ZFYVE9: variants seen among roughly 807,000 people sequenced by gnomAD.
ZFYVE9 encodes the protein zinc finger FYVE-type containing 9.
A neutral mutation model predicts 126.7 loss-of-function variants in ZFYVE9; 43 were observed. That is an observed-to-expected ratio of 0.34 (90% CI 0.27 to 0.44). ZFYVE9 has a LOEUF of 0.44. ZFYVE9 is among the 20% of genes least tolerant of loss of function. The probability of loss-of-function intolerance (pLI) is 1.00; values close to 1 mark genes in which losing one functional copy is unlikely to be tolerated. For synonymous variants in ZFYVE9, 521 were observed against 597.4 expected (o/e 0.87, Z 1.87); for missense variants, 1,476 against 1,697.0 (o/e 0.87, Z 2.29).
chr1:52,254,003 A>G, intron 4 of ZFYVE9: 3 of 778,318 alleles, frequency 3.9e-6, no homozygotes, highest in East Asian at 2.4e-5. Context: ...ACTGATAATC[A>G]TAGGAAGCCA....
chr1:52,331,663 A>C (rs1646342272), intron 13 of ZFYVE9, among the ~76,000 whole-genome samples: 1 of 150,190 alleles, frequency 6.7e-6, no homozygotes, highest in Admixed American at 6.6e-5. Context: ...GAGGCAGGAG[A>C]ATGGCGTGAA....
At chr1:52,326,121 TCTGG>T (rs1390708100) in intron 13 of ZFYVE9, among the ~76,000 whole-genome samples, 1 of 152,136 alleles carries the variant, frequency 6.6e-6, no homozygotes, top group African/African-American at 2.4e-5. Flanking sequence ...TGGTTGGTGC[TCTGG>T]AAATGTTACG....
At chr1:52,321,726 C>T (rs1021399102) in intron 13 of ZFYVE9, among the ~76,000 whole-genome samples, 2 of 152,178 alleles carry the variant, frequency 1.3e-5, no homozygotes, top group African/African-American at 2.4e-5. Flanking sequence ...TTGAGACCAT[C>T]AGCTCTAATC....
rs142234365 is a variant in ZFYVE9 at position 52,239,463 on chromosome 1, C to G, written c.2046C>G (p.Ala682=). ...GAGCTGGTCAGTTTGGAATTTCTGC[C>G]AGAAAGCCATTCACCACTCTGGGTG... is the stretch of plus-strand genomic sequence containing the variant. ...DLRAGQFGIS[A]RKPFTTLGEV... is the part of the protein sequence containing the mutation. Residue 682 remains alanine (A), a synonymous_variant, in exon 4 of 19, where the codon GCC becomes GCG. Coordinates refer to ENST00000287727, the MANE Select transcript of ZFYVE9 (RefSeq NM_004799.4). 591 of 1,614,120 alleles carry G rather than the reference C, an allele frequency of 3.7e-4. 1 individual carries two copies. In the East Asian group the frequency reaches 0.01, roughly 28 times the overall value.
chr1:52,326,549 C>T (rs1310824137), intron 13 of ZFYVE9, among the ~76,000 whole-genome samples: 1 of 151,952 alleles, frequency 6.6e-6, no homozygotes, highest in Non-Finnish European at 1.5e-5. Context: ...GGCCAGTATT[C>T]AGATACTGTT....
intron 1 of ZFYVE9, among the ~76,000 whole-genome samples, chr1:52,169,694 G>A (rs1644546421): frequency 6.6e-6 from 1 of 152,122 alleles, no homozygotes; most frequent in Non-Finnish European, 1.5e-5. Flanking sequence ...ACCCTTGATT[G>A]TTGAAGGAAC....
intron 1 of ZFYVE9, among the ~76,000 whole-genome samples, chr1:52,202,555 A>G (rs1644933612): frequency 6.6e-6 from 1 of 152,054 alleles, no homozygotes; most frequent in Non-Finnish European, 1.5e-5. Flanking sequence ...TGCTAGAATT[A>G]CAGGCATGAG....
intron 4 of ZFYVE9, chr1:52,252,822 G>A: frequency 3.0e-6 from 1 of 328,592 alleles, no homozygotes; most frequent in East Asian, 9.2e-5. Flanking sequence ...CCAGCCCAGA[G>A]GTTGCGGCCA....
intron 1 of ZFYVE9, among the ~76,000 whole-genome samples, chr1:52,183,121 T>G (rs1385064633): frequency 6.6e-6 from 1 of 152,108 alleles, no homozygotes; most frequent in Non-Finnish European, 1.5e-5. Flanking sequence ...GGGCAGTAAT[T>G]AGAGGGAAAT....
intron 16 of ZFYVE9, among the ~76,000 whole-genome samples, chr1:52,338,840 C>T (rs765104589): frequency 3.3e-5 from 5 of 152,000 alleles, no homozygotes; most frequent in Admixed American, 6.6e-5. Flanking sequence ...GGAAAAACCC[C>T]GTCTCTACTA....
intron 17 of ZFYVE9, among the ~76,000 whole-genome samples, chr1:52,343,464 A>G (rs552345127): frequency 6.7e-6 from 1 of 150,218 alleles, no homozygotes; most frequent in East Asian, 2.0e-4. Flanking sequence ...AGAAAAAAAG[A>G]AGTCCTTTGG....
chr1:52,292,822 A>G (rs1645935907), intron 10 of ZFYVE9, among the ~76,000 whole-genome samples: 1 of 152,078 alleles, frequency 6.6e-6, no homozygotes, highest in Non-Finnish European at 1.5e-5. Context: ...CTCTAAAGCA[A>G]TTCATACAGT....
Position 52,148,142 on chromosome 1 carries a change from C to A in ZFYVE9, c.-143+5739C>A, listed in dbSNP as rs761068944. ...GAAGCTTTTACTTGCAGATGCATTGCCAGATTCTTTGATGATAGGGAATGT... is the reference window on the plus strand; with the variant it reads ...GAAGCTTTTACTTGCAGATGCATTGACAGATTCTTTGATGATAGGGAATGT... On this transcript the variant is annotated intron_variant, in intron 1 of 18. Coordinates refer to ENST00000287727, the MANE Select transcript of ZFYVE9 (RefSeq NM_004799.4). Among the ~76,000 whole-genome samples the A allele has an allele frequency of 6.1e-4, 92 of 151,998 alleles. 3 individuals are homozygous for A. Among genetic ancestry groups the A allele is most frequent in the East Asian group, 1.9e-4 (1 of 5,156 alleles).
intron 9 of ZFYVE9, 111 bp downstream of exon 9, chr1:52,278,725 T>A (rs1645773082): frequency 1.2e-6 from 1 of 811,742 alleles, no homozygotes; most frequent in Non-Finnish European, 1.8e-6. Context: ...ACATCTTTTT[T>A]TTTTTCTTTT....
chr1:52,175,317 A>G (rs1312914950), intron 1 of ZFYVE9, among the ~76,000 whole-genome samples: 1 of 150,718 alleles, frequency 6.6e-6, no homozygotes, highest in Non-Finnish European at 1.5e-5. Flanking sequence ...TTCTTTAAGA[A>G]TGTTGAATAT....
chr1:52,318,524 C>T (rs779517715), intron 13 of ZFYVE9, among the ~76,000 whole-genome samples: 1 of 151,816 alleles, frequency 6.6e-6, no homozygotes, highest in African/African-American at 2.4e-5. Context: ...AGATTGGAAA[C>T]AAGAACGGGA....
intron 4 of ZFYVE9, chr1:52,253,848 A>G (rs1181400182): frequency 1.4e-6 from 2 of 1,383,188 alleles, no homozygotes; most frequent in Admixed American, 1.7e-5. Flanking sequence ...CAGTTAAGAC[A>G]TTATATATTT....
intron 13 of ZFYVE9, among the ~76,000 whole-genome samples, chr1:52,309,990 G>C (rs1181189041): frequency 1.3e-5 from 2 of 152,142 alleles, no homozygotes; most frequent in African/African-American, 4.8e-5. Flanking sequence ...TTGAGACAGA[G>C]TCTTGCTCTC....
chr1:52,193,037 A>G (rs1045912402), intron 1 of ZFYVE9, among the ~76,000 whole-genome samples: 2 of 152,168 alleles, frequency 1.3e-5, no homozygotes, highest in African/African-American at 2.4e-5. Flanking sequence ...ATAGATGTCC[A>G]AGGTCAGACA....
Sources: allele counts gnomAD v4.1 joint callset (sites outside exome capture counted in the v4.1 genomes callset), GRCh38; gene constraint gnomAD v4.1.1; transcripts MANE v1.5; gene names NCBI Gene and HGNC (gene_info 2026-07-23, HGNC 2026-07-21).